The following TMEM51 variants were observed in gnomAD, a reference collection of about 807,000 sequenced individuals.
TMEM51 encodes the protein chromosome 1 open reading frame 72.
Under a neutral mutation model 13.6 loss-of-function variants are expected in TMEM51, and 8 were observed. The observed-to-expected ratio is 0.59, with a 90% CI of 0.35 to 1.07. The LOEUF (loss-of-function observed/expected upper bound fraction) is 1.07. TMEM51 is among the 50% of genes least tolerant of loss of function. The pLI, the probability that TMEM51 is intolerant of heterozygous loss-of-function variation, is 0.02. For missense variants in TMEM51, 279 were observed against 330.7 expected, an observed-to-expected ratio of 0.84 and a Z score of 1.21; for synonymous variants, 147 against 144.4, an observed-to-expected ratio of 1.02 and a Z score of -0.13.
At chr1:15,182,361 G>A (rs72860796) in intron 1 of TMEM51, among the ~76,000 whole-genome samples, 112 of 152,234 alleles carry the variant, frequency 7.4e-4, no homozygotes, top group African/African-American at 2.6e-3. Context: ...ACATAGCCAT[G>A]GCGCCTGCCC....
intron 1 of TMEM51, among the ~76,000 whole-genome samples, chr1:15,209,317 G>A (rs1379410331): frequency 1.3e-5 from 2 of 151,400 alleles, no homozygotes; most frequent in African/African-American, 2.4e-5. Context: ...GGCTAGTCTC[G>A]AACTCCTGAG....
At chr1:15,152,582 A>T (rs1642433911), upstream of TMEM51, 1 of 152,458 alleles carries the variant, frequency 6.6e-6, no homozygotes, top group Non-Finnish European at 1.5e-5. Flanking sequence ...CTGGACGCTC[A>T]CCCAAGAAGG....
At chr1:15,213,226 A>G (rs1644370148) in intron 2 of TMEM51, among the ~76,000 whole-genome samples, 2 of 152,278 alleles carry the variant, frequency 1.3e-5, no homozygotes. Context: ...GAGATGCACA[A>G]GAAATATTTG....
chr1:15,198,779 G>A (rs998473349), intron 1 of TMEM51, among the ~76,000 whole-genome samples: 1 of 152,168 alleles, frequency 6.6e-6, no homozygotes, highest in African/African-American at 2.4e-5. Context: ...GAATTGGCAC[G>A]CTCTCTTTTC....
At chr1:15,170,371 T>G (rs75066111) in intron 1 of TMEM51, among the ~76,000 whole-genome samples, 17 of 150,738 alleles carry the variant, frequency 1.1e-4, no homozygotes, top group African/African-American at 3.9e-4. Flanking sequence ...TTTTTTTTTT[T>G]GAGATGGAGT....
At chr1:15,191,401 A>T (rs895327659) in intron 1 of TMEM51, among the ~76,000 whole-genome samples, 1 of 152,248 alleles carries the variant, frequency 6.6e-6, no homozygotes, top group Non-Finnish European at 1.5e-5. Context: ...GAGAAGCAAC[A>T]TGAAATTAAC....
At chr1:15,198,567 G>A (rs1012528152) in intron 1 of TMEM51, among the ~76,000 whole-genome samples, 1 of 152,008 alleles carries the variant, frequency 6.6e-6, no homozygotes, top group South Asian at 2.1e-4. Flanking sequence ...ACAGGTGTCC[G>A]CCACCACGCC....
At chr1:15,172,667 A>G (rs1321011953) in intron 1 of TMEM51, among the ~76,000 whole-genome samples, 9 of 152,196 alleles carry the variant, frequency 5.9e-5, no homozygotes, top group Admixed American at 5.2e-4. Flanking sequence ...CTCCTTTTCT[A>G]TCATTTCACT....
In TMEM51 at chr1:15,219,620, C is replaced by T. The variant is rs1186717853; in HGVS notation, c.639C>T (p.Leu213=). The T allele has an allele frequency of 6.2e-7, 1 of 1,614,114 alleles. No homozygotes were observed. Among genetic ancestry groups the T allele is most frequent in the East Asian group, 2.2e-5 (1 of 44,888 alleles). ...VRRIKSEKLH[L]KDFRINLPDK... is the part of the protein sequence containing the mutation. ...GGATTAAATCTGAAAAGCTTCACCT[C>T]AAAGACTTTAGGATCAACCTCCCAG... The change falls in exon 4 of 4, where the codon CTC becomes CTT. Residue 213 remains leucine (L), a synonymous_variant. Transcript: ENST00000376008.
intron 1 of TMEM51, chr1:15,168,772 T>G (rs1316773161): frequency 7.7e-7 from 1 of 1,301,838 alleles, no homozygotes. Flanking sequence ...ACAAGAGGGC[T>G]TCAGGCTGAA....
intron 1 of TMEM51, among the ~76,000 whole-genome samples, chr1:15,157,246 C>G (rs1253145274): frequency 6.6e-6 from 1 of 152,180 alleles, no homozygotes; most frequent in Non-Finnish European, 1.5e-5. Context: ...GCTGGTTGGT[C>G]CTCACCTTCT....
At chr1:15,208,019 TCTA>T (rs1344890335) in intron 1 of TMEM51, among the ~76,000 whole-genome samples, 4 of 152,206 alleles carry the variant, frequency 2.6e-5, no homozygotes, top group Admixed American at 6.5e-5. Flanking sequence ...TCTATAAATA[TCTA>T]CTAAGTACCT....
In TMEM51 at chr1:15,215,046, A is replaced by C. The variant is rs1410247265; in HGVS notation, c.-42A>C. On this transcript the variant is annotated 5_prime_UTR_variant, in exon 3 of 4. Coordinates refer to ENST00000376008, the MANE Select transcript of TMEM51 (RefSeq NM_001136218.2). ...TGTGACTGCTGCCTTGTATACATTT[A>C]TTTTCTTTCTTGGAACTGGGCCTCG... 2 of 1,555,306 alleles carry C rather than the reference A, an allele frequency of 1.3e-6. No individual in the cohort carries two copies. Among genetic ancestry groups the C allele is most frequent in the Admixed American group, 3.6e-5 (2 of 55,334 alleles).
intron 1 of TMEM51, among the ~76,000 whole-genome samples, chr1:15,172,556 A>G (rs899917976): frequency 7.2e-5 from 11 of 152,190 alleles, no homozygotes; most frequent in South Asian, 2.1e-4. Context: ...CTCTGGGGCT[A>G]GACAGCCACG....
chr1:15,184,295 G>A (rs1166434962), intron 1 of TMEM51, among the ~76,000 whole-genome samples: 1 of 152,158 alleles, frequency 6.6e-6, no homozygotes, highest in Non-Finnish European at 1.5e-5. Flanking sequence ...AAAATTCTGG[G>A]ATTACAGGTG....
chr1:15,169,690 G>T (rs910484708), intron 1 of TMEM51, among the ~76,000 whole-genome samples: 1 of 152,176 alleles, frequency 6.6e-6, no homozygotes, highest in Non-Finnish European at 1.5e-5. Flanking sequence ...TTTCTACAAG[G>T]TTATACAAGG....
At chr1:15,156,516 G>T (rs1442929909) in intron 1 of TMEM51, among the ~76,000 whole-genome samples, 1 of 152,218 alleles carries the variant, frequency 6.6e-6, no homozygotes, top group Non-Finnish European at 1.5e-5. Context: ...AGAAGCTCAG[G>T]TGTCTTCTGA....
chr1:15,157,393 C>T (rs995178145), intron 1 of TMEM51, among the ~76,000 whole-genome samples: 1 of 152,188 alleles, frequency 6.6e-6, no homozygotes, highest in South Asian at 2.1e-4. Flanking sequence ...GGGATCTTAG[C>T]CATCAGAAAA....
At chr1:15,164,565 G>C in intron 1 of TMEM51, 1 of 436,380 alleles carries the variant, frequency 2.3e-6, no homozygotes, top group South Asian at 1.6e-5. Context: ...GGTTAAGGTG[G>C]TGTCTGCCAC....
Sources: gnomAD v4.1 joint callset for allele counts (sites outside exome capture counted in the v4.1 genomes callset) on GRCh38, gnomAD v4.1.1 for gene constraint, MANE v1.5 for transcripts, NCBI Gene and HGNC (gene_info 2026-07-23, HGNC 2026-07-21) for gene names.